Variants in PPM1D observed in about 807,000 individuals in gnomAD.
PPM1D encodes protein phosphatase, Mg2+/Mn2+ dependent 1D, also known as protein phosphatase 1D.
PPM1D carries 52 observed loss-of-function variants against 58.3 expected under a neutral mutation model. That is an observed-to-expected ratio of 0.89 (90% CI 0.71 to 1.12). The LOEUF (loss-of-function observed/expected upper bound fraction) is 1.12. Ranked by LOEUF, PPM1D falls within the 50% of genes most tolerant of loss-of-function variation. PPM1D has a pLI of 0.00. For missense variants in PPM1D, 564 were observed against 777.2 expected, an observed-to-expected ratio of 0.73 and a Z score of 3.26; for synonymous variants, 278 against 285.1, an observed-to-expected ratio of 0.98 and a Z score of 0.25.
At chr17:60,601,130 A>G (rs2030201307) in intron 1 of PPM1D, among the ~76,000 whole-genome samples, 1 of 152,212 alleles carries the variant, frequency 6.6e-6, no homozygotes, top group Non-Finnish European at 1.5e-5. Context: ...TCCAAGGATC[A>G]ATGGGAAGCA....
Position 60,663,313 on chromosome 17 carries a change from G to C in PPM1D, c.1579G>C (p.Glu527Gln). The change falls in exon 6 of 6, where the codon GAA (glutamate) becomes CAA (glutamine). Residue 527 changes from glutamate (E) to glutamine (Q), a missense_variant. Glu to Gln is a conservative substitution (Grantham distance 29). Around this residue, in one of 7 missense-constraint regions of PPM1D, gnomAD observed 261 missense variants for 270.1 expected, o/e 0.97. Transcript: ENST00000305921. ...TGGCCAAATGAAAGCCCAAGAAATTGAAAGAACCCCTCCAACAAACTTTAA... is the reference window on the plus strand; with the variant it reads ...TGGCCAAATGAAAGCCCAAGAAATTCAAAGAACCCCTCCAACAAACTTTAA... Reference protein sequence around the residue: ...TPGQMKAQEIERTPPTNFKRT... With the variant: ...TPGQMKAQEIQRTPPTNFKRT... 6.2e-7 allele frequency: 1 copy of C among 1,614,148 alleles called. No homozygotes were observed. Among genetic ancestry groups the C allele is most frequent in the Non-Finnish European group, 8.5e-7 (1 of 1,180,030 alleles).
intron 4 of PPM1D, among the ~76,000 whole-genome samples, chr17:60,655,264 C>G (rs571234525): frequency 6.6e-6 from 1 of 152,244 alleles, no homozygotes; most frequent in Non-Finnish European, 1.5e-5. Context: ...AGGAATTTGA[C>G]CCTTTGCAAT....
At chr17:60,631,945 G>A (rs551491953) in intron 2 of PPM1D, among the ~76,000 whole-genome samples, 188 of 152,156 alleles carry the variant, frequency 1.2e-3, no homozygotes, top group African/African-American at 4.1e-3. Flanking sequence ...TTGGGAGGCC[G>A]AGGTGGGTGG....
At chr17:60,613,807 C>A (rs538743730) in intron 1 of PPM1D, among the ~76,000 whole-genome samples, 1 of 152,184 alleles carries the variant, frequency 6.6e-6, no homozygotes, top group Admixed American at 6.5e-5. Flanking sequence ...GCTGGCCCAC[C>A]GGCGCTGCGC....
chr17:60,656,577 C>T (rs2031443085), intron 4 of PPM1D, 22 bp from the exon 5 acceptor site: 1 of 1,607,284 alleles, frequency 6.2e-7, no homozygotes, highest in Non-Finnish European at 8.5e-7. Flanking sequence ...TACTTTCCTT[C>T]TCCTTGTTCT....
At chr17:60,643,342 A>G (rs570348721) in intron 3 of PPM1D, among the ~76,000 whole-genome samples, 9 of 151,720 alleles carry the variant, frequency 5.9e-5, no homozygotes, top group South Asian at 4.2e-4. Context: ...GATCGCACCA[A>G]TGCACTCCAT....
chr17:60,637,870 G>T (rs2031055943), intron 3 of PPM1D, among the ~76,000 whole-genome samples: 1 of 152,226 alleles, frequency 6.6e-6, no homozygotes, highest in Admixed American at 6.5e-5. Flanking sequence ...GGAAATTTGG[G>T]TTAGCGTACC....
rs2030476557 is a variant in PPM1D at position 60,612,401 on chromosome 17, A to G, written c.473-11120A>G. Among the ~76,000 whole-genome samples the G allele has an allele frequency of 2.0e-5, 3 of 151,850 alleles. No homozygotes were observed. The South Asian group carries it at 6.2e-4, about 31-fold the overall frequency. ...GTACTGACACAAACCTAGATGGTAT[A>G]GCCTACTGCACACCTAGATTGTATA... On this transcript the variant is annotated intron_variant, in intron 1 of 5. Coordinates refer to ENST00000305921, the MANE Select transcript of PPM1D (RefSeq NM_003620.4).
At chr17:60,618,730 T>G (rs918012012) in intron 1 of PPM1D, among the ~76,000 whole-genome samples, 4 of 152,334 alleles carry the variant, frequency 2.6e-5, no homozygotes, top group African/African-American at 9.6e-5. Context: ...GTTCTCTGTG[T>G]TGTTTTTATT....
Position 60,635,284 on chromosome 17 carries a change from C to T in PPM1D, c.826+1307C>T, listed in dbSNP as rs190700959. 3.9e-3 allele frequency among the ~76,000 whole-genome samples: 589 copies of T among 151,652 alleles called. 1 individual carries two copies. Among genetic ancestry groups the T allele is most frequent in the African/African-American group, 0.013 (547 of 41,324 alleles). On this transcript the variant is annotated intron_variant, in intron 3 of 5. Transcript: ENST00000305921. ...AGGCTGGAGTGCAGTGGTGCAGTCTCGGCTCACTGTAACCTCTGCCTCCTG... is the reference window on the plus strand; with the variant it reads ...AGGCTGGAGTGCAGTGGTGCAGTCTTGGCTCACTGTAACCTCTGCCTCCTG...
chr17:60,606,809 G>T (rs79082910), intron 1 of PPM1D, among the ~76,000 whole-genome samples: 2 of 151,860 alleles, frequency 1.3e-5, no homozygotes, highest in African/African-American at 2.4e-5. Context: ...TTCTTTTTTT[G>T]TGTGTGTGAC....
chr17:60,649,426 C>T (rs566685407), intron 4 of PPM1D, among the ~76,000 whole-genome samples: 27 of 151,792 alleles, frequency 1.8e-4, no homozygotes, highest in Non-Finnish European at 3.5e-4. Context: ...CAGTAGCTCA[C>T]GCCTGTAATT....
intron 4 of PPM1D, among the ~76,000 whole-genome samples, chr17:60,653,503 T>C (rs1295261477): frequency 1.3e-5 from 2 of 152,220 alleles, no homozygotes; most frequent in African/African-American, 2.4e-5. Flanking sequence ...TGGCTTAGAA[T>C]TGCTTTGGCT....
At chr17:60,650,002 A>G (rs917829324) in intron 4 of PPM1D, among the ~76,000 whole-genome samples, 3 of 152,200 alleles carry the variant, frequency 2.0e-5, no homozygotes, top group Non-Finnish European at 4.4e-5. Flanking sequence ...GATCATTTCA[A>G]TGGCATAAAG....
chr17:60,641,854 G>A (rs1052259516), intron 3 of PPM1D, among the ~76,000 whole-genome samples: 13 of 152,340 alleles, frequency 8.5e-5, no homozygotes, highest in African/African-American at 2.9e-4. Context: ...ACCACTGAGT[G>A]TCTTGTGGAC....
Position 60,612,314 on chromosome 17 carries a change from C to G in PPM1D, c.473-11207C>G, listed in dbSNP as rs190266842. ...TATACAGTCATATGTTGCTTAACAA[C>G]AGGGATATGTTCTGAGAAATGTGTC... is the stretch of plus-strand genomic sequence containing the variant. On this transcript the variant is annotated intron_variant, in intron 1 of 5. Transcript: ENST00000305921. 9.9e-4 allele frequency among the ~76,000 whole-genome samples: 150 copies of G among 152,216 alleles called. 1 individual carries two copies. The highest frequency in any genetic ancestry group is 2.1e-3 in the Admixed American group (32 of 15,282).
intron 3 of PPM1D, among the ~76,000 whole-genome samples, chr17:60,642,966 G>C (rs2031165155): frequency 1.3e-5 from 2 of 151,558 alleles, no homozygotes; most frequent in African/African-American, 4.9e-5. Context: ...TACTCGGGAG[G>C]CTGAGGCAGG....
chr17:60,617,741 C>A (rs1157527304), intron 1 of PPM1D, among the ~76,000 whole-genome samples: 1 of 152,062 alleles, frequency 6.6e-6, no homozygotes, highest in Non-Finnish European at 1.5e-5. Context: ...AAAATTGATA[C>A]CTTTTCTCTG....
intron 1 of PPM1D, among the ~76,000 whole-genome samples, chr17:60,621,689 T>C (rs1043615571): frequency 1.9e-4 from 28 of 149,008 alleles, no homozygotes; most frequent in Non-Finnish European, 7.4e-5. Context: ...TTCTCTTGCC[T>C]CAGCCTCCAG....
Sources: gnomAD v4.1 joint callset for allele counts (sites outside exome capture counted in the v4.1 genomes callset) on GRCh38, gnomAD v4.1.1 for gene constraint, gnomAD v4.1.1 regional missense constraint, MANE v1.5 for transcripts, NCBI Gene and HGNC (gene_info 2026-07-23, HGNC 2026-07-21) for gene names.